The following ACOT7 variants were observed in gnomAD, a reference collection of about 807,000 sequenced individuals.
The protein encoded by ACOT7 is cytosolic acyl coenzyme A thioester hydrolase.
Under a neutral mutation model 40.2 loss-of-function variants are expected in ACOT7, and 12 were observed. The observed-to-expected ratio is 0.30, with a 90% confidence interval of 0.19 to 0.48. The LOEUF is 0.48. Among genes scored for constraint, ACOT7 ranks in the 20% least tolerant of loss-of-function variants. ACOT7 has a pLI of 0.99. For missense variants in ACOT7, 395 were observed against 530.8 expected, an observed-to-expected ratio of 0.74 and a Z score of 2.51; for synonymous variants, 228 against 219.5, an observed-to-expected ratio of 1.04 and a Z score of -0.34.
chr1:6,368,756 G>A (rs1642069013), intron 1 of ACOT7, among the ~76,000 whole-genome samples: 1 of 152,212 alleles, frequency 6.6e-6, no homozygotes, highest in Non-Finnish European at 1.5e-5. Flanking sequence ...GTGCAAGGAT[G>A]GGGGCGGTGC....
intron 5 of ACOT7, among the ~76,000 whole-genome samples, chr1:6,326,987 C>A (rs1180060850): frequency 6.6e-6 from 1 of 151,276 alleles, no homozygotes; most frequent in Non-Finnish European, 1.5e-5. Context: ...GGAAAAGATA[C>A]AACAAAAACA....
Position 6,294,969 on chromosome 1 carries a change from T to A in ACOT7, c.724A>T (p.Lys242Ter). 2 of 1,613,510 alleles carry A rather than the reference T, an allele frequency of 1.2e-6. No homozygotes were observed. The highest frequency in any genetic ancestry group is 1.7e-6 in the Non-Finnish European group (2 of 1,179,558). The change falls in exon 7 of 9, where the codon AAG (lysine) becomes TAG (stop). Residue 242 changes from lysine (K) to a stop codon, truncating the protein, a stop_gained. Coordinates refer to ENST00000361521, the MANE Select transcript of ACOT7 (RefSeq NM_007274.4). LOFTEE classifies it high-confidence loss of function. This position sits in a 1 kb window ranked among gnomAD's most constrained non-coding sequence, Gnocchi z 4.6. ...ATCCCGGCGACCTCATCCATGAGCT[T>A]CATGGTCACACCTGCGGAGAAAGGG... is the stretch of plus-strand genomic sequence containing the variant. ...HGFVHGGVTMKLMDEVAGIVA... is the reference protein window; with the variant it reads ...HGFVHGGVTM
At position 6,393,346 on chromosome 1, in the gene ACOT7, G is replaced by A; in HGVS notation, c.54C>T (p.Ala18=). 5.6e-6 allele frequency: 7 copies of A among 1,252,202 alleles called. No homozygotes were observed. The highest frequency in any genetic ancestry group is 7.6e-5 in the South Asian group (2 of 26,380). The allele number at this position is 1,252,202 out of a possible 1,614,324, so 77.6% of individuals were successfully genotyped here. The change falls in exon 1 of 9, where the codon GCC becomes GCT. Residue 18 remains alanine, a synonymous_variant. Transcript: ENST00000361521. ...CGGATGCGGCGGGCGGCTGCAGAAGGGCGCAGGTGTCTGGCAGGCCCGGCG... is the reference window on the plus strand; with the variant it reads ...CGGATGCGGCGGGCGGCTGCAGAAGAGCGCAGGTGTCTGGCAGGCCCGGCG... ...HSAPGLPDTC[A]LLQPPAASAA...
At chr1:6,344,205 C>T (rs1571326826) in intron 2 of ACOT7, among the ~76,000 whole-genome samples, 1 of 152,192 alleles carries the variant, frequency 6.6e-6, no homozygotes. Context: ...GCTGCCAGGC[C>T]TTGCAGGCCA....
intron 6 of ACOT7, among the ~76,000 whole-genome samples, chr1:6,298,223 C>T (rs1410323872): frequency 6.6e-6 from 1 of 152,114 alleles, no homozygotes; most frequent in Non-Finnish European, 1.5e-5. Flanking sequence ...CAACCTCTGC[C>T]TCCCGGGTTC....
At chr1:6,304,463 A>G (rs1640064223) in intron 6 of ACOT7, among the ~76,000 whole-genome samples, 2 of 136,752 alleles carry the variant, frequency 1.5e-5, no homozygotes, top group African/African-American at 2.8e-5. Flanking sequence ...GCAGGGTCAC[A>G]GGACAATAGT....
chr1:6,360,605 T>G (rs762381467), intron 1 of ACOT7: 3 of 1,613,874 alleles, frequency 1.9e-6, no homozygotes, highest in East Asian at 4.5e-5. Context: ...CCCTGTCGAC[T>G]TCCTTTCTGA....
Position 6,282,786 on chromosome 1 carries a change from C to G in ACOT7, c.830-1500G>C, listed in dbSNP as rs1309156315. The G allele has an allele frequency of 7.7e-7, 1 of 1,304,174 alleles. No homozygotes were observed. The highest frequency in any genetic ancestry group is 1.5e-5 in the African/African-American group (1 of 65,884). The allele number at this position is 1,304,174 out of a possible 1,614,324, so 80.8% of individuals were successfully genotyped here. A position where few individuals can be genotyped will look rare whatever the true frequency, so the allele number is the denominator to read the frequency against. On this transcript the variant is annotated intron_variant, in intron 7 of 8. Coordinates refer to ENST00000361521, the MANE Select transcript of ACOT7 (RefSeq NM_007274.4). The surrounding 1 kb of genome is among the most constrained non-coding windows in gnomAD (Gnocchi z 4.5). Reference sequence around the variant, plus strand: ...GAGCTGTGTGGTCAGCGCCAGCAGGCATTACGTGAGCTGTAAGGTACAGAG... The same window carrying G: ...GAGCTGTGTGGTCAGCGCCAGCAGGGATTACGTGAGCTGTAAGGTACAGAG...
intron 6 of ACOT7, among the ~76,000 whole-genome samples, chr1:6,298,355 A>T (rs1401762306): frequency 1.3e-5 from 2 of 152,098 alleles, no homozygotes; most frequent in Non-Finnish European, 2.9e-5. Flanking sequence ...GGCTGGTCTC[A>T]AACTCCTGAC....
chr1:6,391,303 C>T (rs1221658169), intron 1 of ACOT7, among the ~76,000 whole-genome samples: 6 of 151,930 alleles, frequency 3.9e-5, no homozygotes, highest in Non-Finnish European at 7.4e-5. Flanking sequence ...GTCAGGAGTT[C>T]GAGACCAGCC....
rs575143055 is a variant in ACOT7 at position 6,311,037 on chromosome 1, C to T, written c.712+7455G>A. 3.3e-5 allele frequency among the ~76,000 whole-genome samples: 5 copies of T among 152,208 alleles called. No individual in the cohort carries two copies. Among genetic ancestry groups the T allele is most frequent in the Middle Eastern group, 3.2e-3 (1 of 316 alleles). On this transcript the variant is annotated intron_variant, in intron 6 of 8. Transcript: ENST00000361521. This position sits in a 1 kb window ranked among gnomAD's most constrained non-coding sequence, Gnocchi z 5.2. ...ACAGGTGTGAGCCACCACGTTCAGC[C>T]GGAATCTGCACTTTTAACAAGCACA...
At chr1:6,378,115 C>CCTCCTCGGCTTCCGGAACTGGAT (rs1171121090) in intron 1 of ACOT7, among the ~76,000 whole-genome samples, 1 of 151,906 alleles carries the variant, frequency 6.6e-6, no homozygotes, top group Non-Finnish European at 1.5e-5. Flanking sequence ...AGTTACAAGG[C>CCTCCTCGGCTTCCGGAACTGGAT]CAAAGCATCC....
At position 6,301,326 on chromosome 1, in the gene ACOT7, G is replaced by C. The variant is rs943358530; in HGVS notation, c.713-6346C>G. ...GGGGTTTGCCCCATTTATCCAAAAG[G>C]CTACCTTGTTGGTATGAGACTCCAC... On this transcript the variant is annotated intron_variant, in intron 6 of 8. Coordinates refer to ENST00000361521, the MANE Select transcript of ACOT7 (RefSeq NM_007274.4). This position sits in a 1 kb window ranked among gnomAD's most constrained non-coding sequence, Gnocchi z 4.1. 8.5e-5 allele frequency among the ~76,000 whole-genome samples: 13 copies of C among 152,192 alleles called. No individual in the cohort carries two copies. Among genetic ancestry groups the C allele is most frequent in the Admixed American group, 2.6e-4 (4 of 15,284 alleles).
intron 4 of ACOT7, among the ~76,000 whole-genome samples, chr1:6,333,218 A>G (rs1641009160): frequency 6.6e-6 from 1 of 152,256 alleles, no homozygotes; most frequent in African/African-American, 2.4e-5. Flanking sequence ...TGAATTAAAC[A>G]TACATTAGAA....
chr1:6,386,087 C>T (rs955988075), intron 1 of ACOT7, among the ~76,000 whole-genome samples: 2 of 152,160 alleles, frequency 1.3e-5, no homozygotes, highest in Admixed American at 1.3e-4. Context: ...TCCACCTGGG[C>T]GGAGTTCCAC....
rs1306198421 is a variant in ACOT7 at position 6,293,178 on chromosome 1, A to C, written c.829+1686T>G. Among the ~76,000 whole-genome samples, 4 of 152,130 alleles carry C rather than the reference A, an allele frequency of 2.6e-5. No homozygotes were observed. The East Asian group carries it at 5.8e-4, about 22-fold the overall frequency. ...TGCTGGCATTACAGGCGTGAGCCAC[A>C]GCGCTCAGCCAGAAAGTCTATTTCT... On this transcript the variant is annotated intron_variant, in intron 7 of 8. Coordinates refer to ENST00000361521, the MANE Select transcript of ACOT7 (RefSeq NM_007274.4).
rs571246382 is a variant in ACOT7, at chr1:6,340,302, T to C, written c.262-713A>G. Among the ~76,000 whole-genome samples the C allele has an allele frequency of 3.3e-5, 5 of 152,276 alleles. No individual in the cohort carries two copies. The South Asian group carries it at 1.0e-3, about 32-fold the overall frequency. On this transcript the variant is annotated intron_variant, in intron 2 of 8. Coordinates refer to ENST00000361521, the MANE Select transcript of ACOT7 (RefSeq NM_007274.4). Reference sequence around the variant, plus strand: ...ATTCCTAAACACAAAAGCACAGGGATGTAGAGGAGCCCTGCAGAGTCCAGC... The same window carrying C: ...ATTCCTAAACACAAAAGCACAGGGACGTAGAGGAGCCCTGCAGAGTCCAGC...
In ACOT7 at chr1:6,358,461, C is replaced by T. The variant is rs568170979; in HGVS notation, c.144-8595G>A. On this transcript the variant is annotated intron_variant, in intron 1 of 8. Transcript: ENST00000361521. This position sits in a 1 kb window ranked among gnomAD's most constrained non-coding sequence, Gnocchi z 4.1. Reference sequence around the variant, plus strand: ...AGGAAGCTCAGCAGCGCTGGGAAACCGCAGTGAACCCAGCCCAGCTGAAGG... The same window carrying T: ...AGGAAGCTCAGCAGCGCTGGGAAACTGCAGTGAACCCAGCCCAGCTGAAGG... Among the ~76,000 whole-genome samples the T allele has an allele frequency of 9.2e-5, 14 of 152,334 alleles. 1 individual carries two copies. The South Asian group carries it at 2.1e-3, about 23-fold the overall frequency.
chr1:6,270,379 G>T (rs1469822769), intron 8 of ACOT7, among the ~76,000 whole-genome samples: 1 of 152,254 alleles, frequency 6.6e-6, no homozygotes, highest in African/African-American at 2.4e-5. Flanking sequence ...GGCTGCTGGT[G>T]GGGGAAGGAC....
Sources: gnomAD v4.1 joint callset for allele counts (sites outside exome capture counted in the v4.1 genomes callset) on GRCh38, gnomAD v4.1.1 for gene constraint, Gnocchi (gnomAD v3.1) non-coding constraint, MANE v1.5 for transcripts, NCBI Gene and HGNC (gene_info 2026-07-23, HGNC 2026-07-21) for gene names.